The following OTUD4 variants were observed in gnomAD, a reference collection of about 807,000 sequenced individuals.
OTUD4 encodes the protein OTU deubiquitinase 4.
Under a neutral mutation model 130.4 loss-of-function variants are expected in OTUD4, and 24 were observed. The ratio of observed to expected loss-of-function variants is 0.18; its 90% confidence interval spans 0.13 to 0.26. The LOEUF (loss-of-function observed/expected upper bound fraction) is 0.26, where lower values mean the gene tolerates loss of function less well. Among genes scored for constraint, OTUD4 ranks in the 10% least tolerant of loss-of-function variants. The pLI is 1.00. For missense variants in OTUD4, 1,031 were observed against 1,329.4 expected (o/e 0.78, Z 3.49); for synonymous variants, 420 against 472.5 (o/e 0.89, Z 1.44).
intron 1 of OTUD4, among the ~76,000 whole-genome samples, chr4:145,175,601 G>A (rs1464324249): frequency 1.3e-5 from 2 of 151,598 alleles, no homozygotes; most frequent in Non-Finnish European, 2.9e-5. Flanking sequence ...CTAGAGTGCA[G>A]TGGCGCAAGC....
chr4:145,157,211 A>C (rs577585999), intron 7 of OTUD4, among the ~76,000 whole-genome samples: 1 of 152,346 alleles, frequency 6.6e-6, no homozygotes, highest in South Asian at 2.1e-4. Flanking sequence ...AAAAAAAATA[A>C]GTAGGCAAAA....
chr4:145,163,699 G>C (rs994428087), intron 5 of OTUD4, among the ~76,000 whole-genome samples: 1 of 144,398 alleles, frequency 6.9e-6, no homozygotes, highest in African/African-American at 2.6e-5. Context: ...CAATTAATAG[G>C]AACCTTTTTT....
intron 13 of OTUD4, 83 bp downstream of exon 13, chr4:145,150,430 T>A: frequency 1.1e-6 from 1 of 927,476 alleles, no homozygotes. Context: ...AAAGTTATAA[T>A]TATTCAAATG....
chr4:145,158,676 A>T (rs1751414050), intron 7 of OTUD4, among the ~76,000 whole-genome samples: 1 of 152,210 alleles, frequency 6.6e-6, no homozygotes, highest in Admixed American at 6.5e-5. Flanking sequence ...GTATACTTTT[A>T]GCTTCAATAA....
intron 13 of OTUD4, chr4:145,149,706 T>C (rs1344782032): frequency 6.6e-6 from 1 of 152,120 alleles, no homozygotes; most frequent in Non-Finnish European, 1.5e-5. Context: ...AACACCCAAA[T>C]GCCAGAAATA....
In OTUD4 at chr4:145,135,035, C is replaced by T. The variant is rs1045632074; in HGVS notation, c.*2395G>A. 2.5e-6 allele frequency: 1 copy of T among 392,200 alleles called. No homozygotes were observed. Among genetic ancestry groups the T allele is most frequent in the African/African-American group, 2.1e-5 (1 of 48,420 alleles). 24.3% of individuals were successfully genotyped at this position (392,200 alleles called of 1,614,324 possible). On this transcript the variant is annotated 3_prime_UTR_variant, in exon 21 of 21. Coordinates refer to ENST00000447906, the MANE Select transcript of OTUD4 (RefSeq NM_001366057.1). ...AAAGCTTGCTTATCCTTAGTTTGAC[C>T]TCAGCATAAGGCAAAATCCCCTGGA...
chr4:145,133,668 T>C lies in OTUD4; in HGVS notation c.*3762A>G, dbSNP rs1750107139. ...AGCAGAATCAAGAGACAAAATTTAA[T>C]ATATGCACACAGTTTTATATATAAT... On this transcript the variant is annotated 3_prime_UTR_variant, in exon 21 of 21. Transcript: ENST00000447906. 1 of 152,644 alleles carries C rather than the reference T, an allele frequency of 6.6e-6. No individual in the cohort carries two copies. The highest frequency in any genetic ancestry group is 1.5e-5 in the Non-Finnish European group (1 of 68,042). 9.5% of individuals were successfully genotyped at this position (152,644 alleles called of 1,614,324 possible).
intron 7 of OTUD4, among the ~76,000 whole-genome samples, chr4:145,157,661 G>A (rs1355257982): frequency 1.6e-5 from 2 of 123,858 alleles, no homozygotes; most frequent in African/African-American, 6.2e-5. Context: ...TCCAGCCTGG[G>A]CAACAAGAGC....
At chr4:145,171,884 T>C (rs759565293) in intron 2 of OTUD4, among the ~76,000 whole-genome samples, 164 bp from the exon 3 acceptor site, 12 of 152,236 alleles carry the variant, frequency 7.9e-5, no homozygotes, top group Non-Finnish European at 1.6e-4. Flanking sequence ...TGAAAACATA[T>C]AGCAATCATT....
chr4:145,179,745 G>A (rs1158757517), intron 1 of OTUD4, 70 bp downstream of exon 1: 16 of 1,455,008 alleles, frequency 1.1e-5, no homozygotes, highest in Non-Finnish European at 1.4e-5. Context: ...GCCCGCAGCT[G>A]CCTCCCCACC....
rs942320733 is a variant in OTUD4, at chr4:145,180,549, G to A, written c.-576C>T. The stretch of plus-strand genomic sequence containing the variant: ...GGAGAGAACAGCACCTCGCAGCCCA[G>A]AATTTGTTTTCGCTTTCGGCCCGAC... On this transcript the variant is annotated 5_prime_UTR_variant, in exon 1 of 21. Coordinates refer to ENST00000447906, the MANE Select transcript of OTUD4 (RefSeq NM_001366057.1). Among the ~76,000 whole-genome samples, 1 of 152,228 alleles carries A rather than the reference G, an allele frequency of 6.6e-6. No individual in the cohort carries two copies. Among genetic ancestry groups the A allele is most frequent in the Non-Finnish European group, 1.5e-5 (1 of 68,038 alleles).
At chr4:145,152,294 G>A (rs1408567792) in intron 11 of OTUD4, among the ~76,000 whole-genome samples, 1 of 152,046 alleles carries the variant, frequency 6.6e-6, no homozygotes, top group African/African-American at 2.4e-5. Flanking sequence ...TATATTTTCA[G>A]TAGAGATGGG....
rs1201838936 is a variant in OTUD4 at position 145,180,522 on chromosome 4, C to A, written c.-549G>T. ...GGGGCAGGGAGCGGGTGGGGGCGCC[C>A]GGGAGAGAACAGCACCTCGCAGCCC... On this transcript the variant is annotated 5_prime_UTR_variant, in exon 1 of 21. Transcript: ENST00000447906. 6.6e-6 allele frequency among the ~76,000 whole-genome samples: 1 copy of A among 152,230 alleles called. No homozygotes were observed. Among genetic ancestry groups the A allele is most frequent in the East Asian group, 1.9e-4 (1 of 5,184 alleles).
chr4:145,172,643 A>C (rs147154287), intron 2 of OTUD4, among the ~76,000 whole-genome samples: 220 of 152,328 alleles, frequency 1.4e-3, no homozygotes, highest in African/African-American at 5.0e-3. Context: ...AAAGACATTA[A>C]AGTATACTCC....
chr4:145,171,558 C>T, intron 3 of OTUD4, 112 bp downstream of exon 3: 1 of 598,340 alleles, frequency 1.7e-6, no homozygotes, highest in Non-Finnish European at 3.0e-6. Flanking sequence ...ATAGGATACA[C>T]CGTCACTGCA....
chr4:145,167,281 T>C (rs1230331950), intron 3 of OTUD4, among the ~76,000 whole-genome samples: 2 of 152,206 alleles, frequency 1.3e-5, no homozygotes, highest in Non-Finnish European at 2.9e-5. Context: ...AAGGAAAATA[T>C]TTTAAACAAT....
rs561343782 is a variant in OTUD4, at chr4:145,180,318, C to T, written c.-345G>A. 1.2e-4 allele frequency among the ~76,000 whole-genome samples: 19 copies of T among 152,172 alleles called. No homozygotes were observed. The highest frequency in any genetic ancestry group is 4.1e-4 in the African/African-American group (17 of 41,530). ...GACCCAGGCCGGGGGTCGCCGCCCC[C>T]ACAAGTTTCCTCCTCCGTACCGGTG... On this transcript the variant is annotated 5_prime_UTR_variant, in exon 1 of 21. Transcript: ENST00000447906.
chr4:145,148,295 T>C (rs1225547475), intron 13 of OTUD4, among the ~76,000 whole-genome samples: 1 of 151,970 alleles, frequency 6.6e-6, no homozygotes, highest in Non-Finnish European at 1.5e-5. Flanking sequence ...AGGTCAGGAG[T>C]TCGAGACCAG....
chr4:145,146,487 TA>T (rs1290074130), intron 13 of OTUD4, 58 bp from the exon 14 acceptor site: 6 of 929,806 alleles, frequency 6.5e-6, no homozygotes, highest in Non-Finnish European at 7.2e-6. Flanking sequence ...AATAAATAAA[TA>T]AAACATTCTT....
Sources: allele counts gnomAD v4.1 joint callset (sites outside exome capture counted in the v4.1 genomes callset), GRCh38; gene constraint gnomAD v4.1.1; transcripts MANE v1.5; gene names NCBI Gene and HGNC (gene_info 2026-07-23, HGNC 2026-07-21).